The following THTPA variants were observed in gnomAD, a reference collection of about 807,000 sequenced individuals.
THTPA encodes thiamine-triphosphatase.
THTPA carries 16 observed loss-of-function variants against 16.5 expected under a neutral mutation model. That is an observed-to-expected ratio of 0.97 (90% CI 0.66 to 1.47). The LOEUF (loss-of-function observed/expected upper bound fraction) is 1.47. THTPA is among the 40% of genes most tolerant of loss of function. THTPA has a pLI of 0.00. For missense variants in THTPA, 281 were observed against 280.9 expected, an observed-to-expected ratio of 1.00 and a Z score of 0.00; for synonymous variants, 110 against 115.5, an observed-to-expected ratio of 0.95 and a Z score of 0.30.
upstream of THTPA, among the ~76,000 whole-genome samples, chr14:23,552,765 C>T (rs1882071003): frequency 6.6e-6 from 1 of 151,806 alleles, no homozygotes; most frequent in Non-Finnish European, 1.5e-5. Context: ...CCATGCCCTG[C>T]TAATTTTGTA....
At chr14:23,555,193 T>G (rs1882264026), upstream of THTPA, among the ~76,000 whole-genome samples, 1 of 151,782 alleles carries the variant, frequency 6.6e-6, no homozygotes, top group African/African-American at 2.4e-5. Flanking sequence ...CCGGGGGGGT[T>G]TCTCCATGTT....
the THTPA span, chr14:23,523,765 A>G: frequency 6.5e-7 from 1 of 1,536,044 alleles, no homozygotes; most frequent in Non-Finnish European, 8.7e-7. This position sits in a 1 kb window ranked among gnomAD's most constrained non-coding sequence, Gnocchi z 4.1. Flanking sequence ...TTCCATCTGG[A>G]ACCCCAGTCC....
rs751934784 is a variant in THTPA, at chr14:23,558,770, G to A, written c.623G>A (p.Arg208His). The change falls in exon 2 of 2, where the codon CGC becomes CAC. Residue 208 changes from arginine to histidine, a missense_variant. Coordinates refer to ENST00000288014, the MANE Select transcript of THTPA (RefSeq NM_024328.6). ...LQRFRPQDYQRLLEVNSSRER... is the reference protein window; with the variant it reads ...LQRFRPQDYQHLLEVNSSRER... ...CGTTTCCGGCCTCAAGACTATCAGCGCCTGCTAGAAGTGAACAGCTCCAGA... is the reference window on the plus strand; with the variant it reads ...CGTTTCCGGCCTCAAGACTATCAGCACCTGCTAGAAGTGAACAGCTCCAGA... The A allele has an allele frequency of 1.2e-5, 19 of 1,614,066 alleles. 1 individual carries two copies. In the Admixed American group the frequency reaches 1.8e-4, roughly 16 times the overall value.
the THTPA span, chr14:23,526,279 C>G: frequency 2.0e-6 from 3 of 1,536,182 alleles, no homozygotes; most frequent in African/African-American, 2.7e-5. Flanking sequence ...CAATGGCAGC[C>G]TTCTTCATCT....
the THTPA span, chr14:23,534,789 T>G: frequency 6.5e-7 from 1 of 1,536,126 alleles, no homozygotes; most frequent in Non-Finnish European, 8.7e-7. This position sits in a 1 kb window ranked among gnomAD's most constrained non-coding sequence, Gnocchi z 4.5. Context: ...AGCTAAAGCC[T>G]TGGATTGGGT....
chr14:23,530,241 G>A, the THTPA span: 6 of 1,387,578 alleles, frequency 4.3e-6, no homozygotes, highest in African/African-American at 5.8e-5. Flanking sequence ...GTGGCATCAG[G>A]GAAGGGAGGA....
Position 23,556,452 on chromosome 14 carries a change from G to GCATTAA in THTPA, c.-306_-305insCATTAA. On this transcript the variant is annotated 5_prime_UTR_variant, in exon 1 of 2. Coordinates refer to ENST00000288014, the MANE Select transcript of THTPA (RefSeq NM_024328.6). ...GGCAAGGTGTAGAGAGGGGGGCGTT[G>GCATTAA]AAAGGACACCCGCTACCCGGCCTGC... 2.8e-6 allele frequency: 1 copy of GCATTAA among 355,976 alleles called. No homozygotes were observed. 22.1% of individuals were successfully genotyped at this position (355,976 alleles called of 1,614,324 possible).
At chr14:23,556,170 C>T (rs1242919261), upstream of THTPA, 3 of 154,486 alleles carry the variant, frequency 1.9e-5, no homozygotes, top group African/African-American at 7.2e-5. Context: ...CTGGCCTGCT[C>T]TCGGCACCGC....
chr14:23,559,052 C>T lies in THTPA; in HGVS notation c.*212C>T. 1.7e-6 allele frequency: 1 copy of T among 594,378 alleles called. No individual in the cohort carries two copies. Among genetic ancestry groups the T allele is most frequent in the Non-Finnish European group, 2.9e-6 (1 of 343,156 alleles). 36.8% of individuals were successfully genotyped at this position (594,378 alleles called of 1,614,324 possible). ...CGTCAGATGCAATCTGTGGGCCGCC[C>T]CTCTCCCCTGGCCGCTAAGCAGCCT... On this transcript the variant is annotated 3_prime_UTR_variant, in exon 2 of 2. Transcript: ENST00000288014.
At chr14:23,551,160 T>C (rs111842708), upstream of THTPA, among the ~76,000 whole-genome samples, 1,424 of 151,786 alleles carry the variant, frequency 9.4e-3, 27 homozygotes, top group African/African-American at 0.033. This position sits in a 1 kb window ranked among gnomAD's most constrained non-coding sequence, Gnocchi z 5.3. Flanking sequence ...GCTCTCGGTC[T>C]GTCTGTCCGT....
Position 23,557,007 on chromosome 14 carries a change from G to A in THTPA, c.250G>A (p.Ala84Thr), listed in dbSNP as rs561860798. 91 of 1,614,210 alleles carry A rather than the reference G, an allele frequency of 5.6e-5. No homozygotes were observed. Among genetic ancestry groups the A allele is most frequent in the Non-Finnish European group, 7.5e-5 (89 of 1,180,042 alleles). ...GPHTEYKELT[A>T]EPTIVAQLCK... ...CCACACGGAGTATAAGGAACTCACA[G>A]CGGAACCTACAATTGTGGCCCAACT... The change falls in exon 1 of 2, where the codon GCG (alanine) becomes ACG (threonine). Residue 84 changes from alanine to threonine, a missense_variant. Coordinates refer to ENST00000288014, the MANE Select transcript of THTPA (RefSeq NM_024328.6).
At chr14:23,532,493 T>A in the THTPA span, 1 of 1,403,824 alleles carries the variant, frequency 7.1e-7, no homozygotes, top group African/African-American at 1.4e-5. Context: ...CCTATCACTT[T>A]CTTATTCTGC....
the THTPA span, chr14:23,533,231 G>A: frequency 7.0e-7 from 1 of 1,436,340 alleles, no homozygotes; most frequent in Non-Finnish European, 9.1e-7. This position sits in a 1 kb window ranked among gnomAD's most constrained non-coding sequence, Gnocchi z 4.8. Context: ...AGAAAGCACG[G>A]AATAGAGTTT....
At chr14:23,532,782 G>C in the THTPA span, 1 of 1,536,406 alleles carries the variant, frequency 6.5e-7, no homozygotes, top group East Asian at 2.4e-5. Context: ...TTCTGAGCAT[G>C]TTTGTCAGTC....
the THTPA span, chr14:23,522,290 G>A: frequency 1.3e-6 from 2 of 1,506,092 alleles, no homozygotes; most frequent in Non-Finnish European, 1.8e-6. Context: ...AGTAGCCGGG[G>A]CCTCCCCGTC....
chr14:23,550,640 A>C, the THTPA span, among the ~76,000 whole-genome samples: 1 of 152,186 alleles, frequency 6.6e-6, no homozygotes, highest in Non-Finnish European at 1.5e-5. Context: ...GTGCTTGAAA[A>C]TGATAGGGCT....
chr14:23,534,416 T>C, the THTPA span: 4 of 1,536,676 alleles, frequency 2.6e-6, no homozygotes, highest in South Asian at 1.2e-5. This position sits in a 1 kb window ranked among gnomAD's most constrained non-coding sequence, Gnocchi z 4.5. Context: ...TCAAGGGGTA[T>C]GTCAGAAGAG....
At position 23,559,582 on chromosome 14, in the gene THTPA, C is replaced by A; in HGVS notation, c.*742C>A. 1.6e-6 allele frequency: 1 copy of A among 631,180 alleles called. No individual in the cohort carries two copies. Among genetic ancestry groups the A allele is most frequent in the Non-Finnish European group, 2.8e-6 (1 of 353,136 alleles). The allele number at this position is 631,180 out of a possible 1,614,324, so 39.1% of individuals were successfully genotyped here. On this transcript the variant is annotated 3_prime_UTR_variant, in exon 2 of 2. Transcript: ENST00000288014. Reference sequence around the variant, plus strand: ...TACCCAAATATGGCTTTCCTCACTTCTCAGGCTTTATTGGGCTTTATTTGT... The same window carrying A: ...TACCCAAATATGGCTTTCCTCACTTATCAGGCTTTATTGGGCTTTATTTGT...
At chr14:23,534,818 G>A in the THTPA span, 2 of 1,536,182 alleles carry the variant, frequency 1.3e-6, no homozygotes, top group Non-Finnish European at 1.7e-6. This position sits in a 1 kb window ranked among gnomAD's most constrained non-coding sequence, Gnocchi z 4.5. Context: ...TGTTGGATGT[G>A]AAGGGCAGTG....
Sources: allele counts gnomAD v4.1 joint callset (sites outside exome capture counted in the v4.1 genomes callset), GRCh38; gene constraint gnomAD v4.1.1; non-coding constraint Gnocchi (gnomAD v3.1); transcripts MANE v1.5; gene names NCBI Gene and HGNC (gene_info 2026-07-23, HGNC 2026-07-21).